The following KCNT2 variants were observed in gnomAD, a reference collection of about 807,000 sequenced individuals.
The protein encoded by KCNT2 is potassium channel subfamily T member 2.
KCNT2 carries 67 observed loss-of-function variants against 153.8 expected under a neutral mutation model. The ratio of observed to expected loss-of-function variants is 0.44; its 90% CI spans 0.36 to 0.53. KCNT2 has a LOEUF of 0.53. KCNT2 is among the 20% of genes least tolerant of loss of function. The pLI, the probability that KCNT2 is intolerant of heterozygous loss-of-function variation, is 0.00. For synonymous variants in KCNT2, 500 were observed against 458.8 expected (o/e 1.09, Z -1.15); for missense variants, 975 against 1,354.8 (o/e 0.72, Z 4.40).
chr1:196,547,305 T>G (rs944946105), intron 1 of KCNT2, among the ~76,000 whole-genome samples: 2 of 152,038 alleles, frequency 1.3e-5, no homozygotes, highest in African/African-American at 4.8e-5. Context: ...TTTGAAATTA[T>G]GATTTTGGAA....
At chr1:196,504,393 G>T (rs1395257951) in intron 1 of KCNT2, among the ~76,000 whole-genome samples, 1 of 151,984 alleles carries the variant, frequency 6.6e-6, no homozygotes, top group Non-Finnish European at 1.5e-5. Context: ...TTTCATCCAT[G>T]TCCCTACAAA....
intron 1 of KCNT2, among the ~76,000 whole-genome samples, chr1:196,600,693 T>A (rs1664630358): frequency 6.6e-6 from 1 of 152,228 alleles, no homozygotes; most frequent in African/African-American, 2.4e-5. Flanking sequence ...CTATATTTTA[T>A]TTAATTGCAA....
rs1420053603 is a variant in KCNT2 at position 196,228,038 on chromosome 1, T to G, written c.*186A>C. On this transcript the variant is annotated 3_prime_UTR_variant, in exon 28 of 28. Coordinates refer to ENST00000294725, the MANE Select transcript of KCNT2 (RefSeq NM_198503.5). ...TATTCCATTGAGGTCCTTCAAATAT[T>G]AATAGGGAGAGTACCAGTAAGTAGT... 1.7e-5 allele frequency: 7 copies of G among 419,572 alleles called. No homozygotes were observed. The highest frequency in any genetic ancestry group is 1.3e-5 in the Non-Finnish European group (3 of 236,670). The allele number at this position is 419,572 out of a possible 1,614,324, so 26.0% of individuals were successfully genotyped here.
chr1:196,286,638 T>TACACACCC (rs1659688117), intron 22 of KCNT2, among the ~76,000 whole-genome samples: 1 of 134,310 alleles, frequency 7.4e-6, no homozygotes, highest in South Asian at 2.3e-4. Context: ...CACACACACA[T>TACACACCC]ACACACACAC....
chr1:196,542,945 C>G (rs1035774602), intron 1 of KCNT2, among the ~76,000 whole-genome samples: 1 of 152,064 alleles, frequency 6.6e-6, no homozygotes, highest in African/African-American at 2.4e-5. Flanking sequence ...ATACAGAATT[C>G]TGAAGGATAC....
intron 8 of KCNT2, among the ~76,000 whole-genome samples, chr1:196,447,498 T>C (rs1272671896): frequency 1.3e-5 from 2 of 151,366 alleles, no homozygotes; most frequent in Non-Finnish European, 3.0e-5. Context: ...ACGATGTAAG[T>C]TGGGGTCAGA....
intron 23 of KCNT2, among the ~76,000 whole-genome samples, chr1:196,284,488 G>C (rs576495275): frequency 6.6e-6 from 1 of 150,994 alleles, no homozygotes; most frequent in East Asian, 2.0e-4. Flanking sequence ...GGATACTGTG[G>C]CTAAAAAAAT....
Position 196,454,173 on chromosome 1 carries a change from T to C in KCNT2, c.638+11120A>G, listed in dbSNP as rs191059734. ...TTCAACCATCTTGGAATTTCCAGTA[T>C]AGCAGATACAACGATTGTTGCAAAT... On this transcript the variant is annotated intron_variant, in intron 8 of 27. Transcript: ENST00000294725. Among the ~76,000 whole-genome samples the C allele has an allele frequency of 4.6e-5, 7 of 152,128 alleles. No homozygotes were observed. The East Asian group carries it at 1.2e-3, about 25-fold the overall frequency.
chr1:196,338,948 C>CAA (rs976388530), intron 16 of KCNT2, among the ~76,000 whole-genome samples: 1,602 of 37,664 alleles, frequency 0.043, 202 homozygotes, highest in African/African-American at 0.1. Flanking sequence ...TGCTTTTTAG[C>CAA]AAAAAAAAAA....
chr1:196,414,184 T>C (rs1672567133), intron 12 of KCNT2, among the ~76,000 whole-genome samples: 2 of 151,662 alleles, frequency 1.3e-5, no homozygotes, highest in Admixed American at 1.3e-4. Context: ...TTATACAGAT[T>C]TTAAAAATAT....
intron 8 of KCNT2, among the ~76,000 whole-genome samples, chr1:196,461,715 G>A (rs779909192): frequency 5.3e-5 from 8 of 151,650 alleles, no homozygotes; most frequent in Non-Finnish European, 1.0e-4. Flanking sequence ...TATTGATGAA[G>A]AGGGGTACAC....
At chr1:196,491,427 A>T (rs1679851944) in intron 2 of KCNT2, among the ~76,000 whole-genome samples, 1 of 152,026 alleles carries the variant, frequency 6.6e-6, no homozygotes, top group Admixed American at 6.6e-5. Flanking sequence ...TCCTACCTAC[A>T]GAGGCACAAC....
intron 1 of KCNT2, among the ~76,000 whole-genome samples, chr1:196,606,941 T>C (rs774559396): frequency 1.3e-5 from 2 of 152,190 alleles, no homozygotes; most frequent in South Asian, 2.1e-4. Flanking sequence ...TACTGAGAAA[T>C]TGGTATTACT....
intron 25 of KCNT2, among the ~76,000 whole-genome samples, chr1:196,275,489 T>C: frequency 6.6e-6 from 1 of 151,846 alleles, no homozygotes; most frequent in East Asian, 1.9e-4. Flanking sequence ...CTTCTATAAA[T>C]GTTAATAGTT....
At chr1:196,284,248 A>AATATATATATATATATATAT (rs1553271463) in intron 23 of KCNT2, among the ~76,000 whole-genome samples, 7 of 10,044 alleles carry the variant, frequency 7.0e-4, no homozygotes, top group Non-Finnish European at 2.7e-3. Context: ...AAAAAAAAAA[A>AATATATATATATATATATAT]ATATATATAT....
chr1:196,591,976 A>G (rs955778064), intron 1 of KCNT2, among the ~76,000 whole-genome samples: 5 of 152,156 alleles, frequency 3.3e-5, no homozygotes, highest in African/African-American at 1.2e-4. Context: ...TTTCTTTCCT[A>G]TCTTCCATGT....
chr1:196,361,860 T>G (rs1269205230), intron 14 of KCNT2, among the ~76,000 whole-genome samples: 1 of 151,982 alleles, frequency 6.6e-6, no homozygotes, highest in Non-Finnish European at 1.5e-5. Context: ...ATTAGCAAAT[T>G]TATAGCAATC....
chr1:196,525,868 A>G (rs940951915), intron 1 of KCNT2, among the ~76,000 whole-genome samples: 8 of 152,138 alleles, frequency 5.3e-5, no homozygotes, highest in African/African-American at 1.9e-4. Flanking sequence ...GTGTCTTTAA[A>G]CAGACATATA....
At chr1:196,581,293 T>G (rs546076447) in intron 1 of KCNT2, among the ~76,000 whole-genome samples, 152 of 152,210 alleles carry the variant, frequency 1.0e-3, no homozygotes, top group African/African-American at 3.5e-3. Flanking sequence ...GTAGGAAATA[T>G]TTATTCTTAG....
Sources: allele counts gnomAD v4.1 joint callset (sites outside exome capture counted in the v4.1 genomes callset), GRCh38; gene constraint gnomAD v4.1.1; transcripts MANE v1.5; gene names NCBI Gene and HGNC (gene_info 2026-07-23, HGNC 2026-07-21).